The following NBAS variants were observed in gnomAD, a reference collection of about 807,000 sequenced individuals.
NBAS encodes the protein NBAS subunit of NRZ tethering complex, also known as NAG/BC035112 fusion.
In NBAS, 219 loss-of-function variants were observed where a neutral mutation model predicts 302.5. The ratio of observed to expected loss-of-function variants is 0.72; its 90% CI spans 0.65 to 0.81. The LOEUF is 0.81. NBAS is among the 30% of genes least tolerant of loss of function. NBAS has a pLI of 0.00. For synonymous variants in NBAS, 1,118 were observed against 1,021.6 expected, an observed-to-expected ratio of 1.09 and a Z score of -1.80; for missense variants, 2,932 against 2,841.6, an observed-to-expected ratio of 1.03 and a Z score of -0.72.
chr2:15,504,138 G>A lies in NBAS; in HGVS notation c.954+7C>T. ...AAGCCCACCATAGTTAAGCCAATTTGTGTTACCTGTTCTTGTCCCTGGCGA... is the reference window on the plus strand; with the variant it reads ...AAGCCCACCATAGTTAAGCCAATTTATGTTACCTGTTCTTGTCCCTGGCGA... On this transcript the variant is annotated splice_region_variant and intron_variant, in intron 11 of 51. Transcript: ENST00000281513. 1 of 1,610,854 alleles carries A rather than the reference G, an allele frequency of 6.2e-7. No individual in the cohort carries two copies. The highest frequency in any genetic ancestry group is 2.2e-5 in the East Asian group (1 of 44,808).
At chr2:15,459,265 T>TA (rs1304591073) in intron 21 of NBAS, among the ~76,000 whole-genome samples, 3 of 152,152 alleles carry the variant, frequency 2.0e-5, no homozygotes, top group Non-Finnish European at 2.9e-5. Flanking sequence ...AAACTGCCTT[T>TA]AAAAAAACCG....
chr2:15,391,317 C>T (rs184437828), intron 28 of NBAS, among the ~76,000 whole-genome samples: 41 of 151,048 alleles, frequency 2.7e-4, no homozygotes, highest in African/African-American at 9.2e-4. Context: ...GTTTAACATA[C>T]GTTCAAAAAG....
intron 35 of NBAS, among the ~76,000 whole-genome samples, chr2:15,334,753 G>A (rs562156720): frequency 6.6e-6 from 1 of 152,166 alleles, no homozygotes; most frequent in East Asian, 1.9e-4. Context: ...TTAATCCATG[G>A]TATCCTCTTT....
At chr2:15,402,126 A>G in intron 26 of NBAS, 42 bp downstream of exon 26, 2 of 1,611,570 alleles carry the variant, frequency 1.2e-6, no homozygotes, top group Non-Finnish European at 1.7e-6. Context: ...TAACTGTTAG[A>G]ATAAAAAAAC....
chr2:14,877,414 T>C, the NBAS span, among the ~76,000 whole-genome samples: 2 of 152,196 alleles, frequency 1.3e-5, no homozygotes, highest in African/African-American at 4.8e-5. Context: ...CTTTTGTTCC[T>C]TGTTCCCTTA....
intron 9 of NBAS, among the ~76,000 whole-genome samples, chr2:15,516,692 C>T (rs1220661193): frequency 6.7e-6 from 1 of 148,456 alleles, no homozygotes; most frequent in Non-Finnish European, 1.5e-5. Flanking sequence ...CACTGCACTC[C>T]AGCTTGGGCT....
the NBAS span, among the ~76,000 whole-genome samples, chr2:15,118,018 T>A: frequency 1.3e-4 from 20 of 152,230 alleles, no homozygotes; most frequent in African/African-American, 3.9e-4. Context: ...TATCAGAGCA[T>A]CCCCTGTGTT....
intron 42 of NBAS, among the ~76,000 whole-genome samples, chr2:15,278,280 A>C (rs1384663452): frequency 1.3e-5 from 2 of 152,164 alleles, no homozygotes; most frequent in Non-Finnish European, 2.9e-5. Context: ...CTTCAAGAAA[A>C]ACCTTATTTT....
chr2:15,271,196 A>C (rs929900896), intron 44 of NBAS, among the ~76,000 whole-genome samples: 1 of 152,232 alleles, frequency 6.6e-6, no homozygotes, highest in African/African-American at 2.4e-5. Context: ...AACAGCAAAC[A>C]AAGATACTCT....
At chr2:15,177,318 C>T (rs372091276) in intron 51 of NBAS, among the ~76,000 whole-genome samples, 1 of 152,136 alleles carries the variant, frequency 6.6e-6, no homozygotes, top group Non-Finnish European at 1.5e-5. Flanking sequence ...TGCAGTGTTA[C>T]CATTTAGTCA....
At chr2:15,522,466 T>C (rs757880689) in intron 9 of NBAS, among the ~76,000 whole-genome samples, 4 of 152,168 alleles carry the variant, frequency 2.6e-5, no homozygotes, top group Non-Finnish European at 5.9e-5. Flanking sequence ...AGGAGGTACT[T>C]GTGAGCTATC....
chr2:15,147,827 A>G, the NBAS span, among the ~76,000 whole-genome samples: 45 of 152,178 alleles, frequency 3.0e-4, no homozygotes, highest in Admixed American at 2.9e-3. Context: ...TGACTGAATT[A>G]GGAGTAAACA....
chr2:15,163,822 A>C (rs1172009857), downstream of NBAS, among the ~76,000 whole-genome samples: 1 of 150,600 alleles, frequency 6.6e-6, no homozygotes, highest in Non-Finnish European at 1.5e-5. Flanking sequence ...TTGAGACAAG[A>C]GTCTCGCTCT....
intron 47 of NBAS, among the ~76,000 whole-genome samples, chr2:15,220,004 G>C (rs1666864603): frequency 6.7e-6 from 1 of 148,366 alleles, no homozygotes; most frequent in Non-Finnish European, 1.5e-5. Context: ...CTCACCTCCC[G>C]GACGGGGCGG....
chr2:15,076,452 A>C, the NBAS span, among the ~76,000 whole-genome samples: 2,030 of 152,312 alleles, frequency 0.013, 37 homozygotes, highest in African/African-American at 0.045. Flanking sequence ...AAATCCGCCT[A>C]TATAAAATTT....
At chr2:14,835,405 C>T in the NBAS span, among the ~76,000 whole-genome samples, 20 of 151,868 alleles carry the variant, frequency 1.3e-4, no homozygotes, top group South Asian at 4.1e-4. Context: ...ATGTAACTCC[C>T]GGCTAGGTGA....
At chr2:15,272,003 G>A (rs1158790721) in intron 44 of NBAS, among the ~76,000 whole-genome samples, 3 of 152,084 alleles carry the variant, frequency 2.0e-5, no homozygotes, top group Non-Finnish European at 2.9e-5. Flanking sequence ...CATCTCAAAT[G>A]GCACACAAAT....
At chr2:14,788,763 C>T in the NBAS span, among the ~76,000 whole-genome samples, 1 of 152,182 alleles carries the variant, frequency 6.6e-6, no homozygotes, top group African/African-American at 2.4e-5. Context: ...CCCAGTTAGG[C>T]TGCTCGGGGG....
chr2:14,797,226 G>T, the NBAS span, among the ~76,000 whole-genome samples: 3 of 152,126 alleles, frequency 2.0e-5, no homozygotes, highest in African/African-American at 7.2e-5. Flanking sequence ...GCTGAGAGAT[G>T]TTCCGTCACT....
Sources: gnomAD v4.1 joint callset for allele counts (sites outside exome capture counted in the v4.1 genomes callset) on GRCh38, gnomAD v4.1.1 for gene constraint, MANE v1.5 for transcripts, NCBI Gene and HGNC (gene_info 2026-07-23, HGNC 2026-07-21) for gene names.